The following PDE4D variants were observed in gnomAD, a reference collection of about 807,000 sequenced individuals.
PDE4D encodes 3',5'-cyclic-AMP phosphodiesterase 4D.
Under a neutral mutation model 87.4 loss-of-function variants are expected in PDE4D, and 24 were observed. The ratio of observed to expected loss-of-function variants is 0.27; its 90% confidence interval spans 0.20 to 0.39. The LOEUF (loss-of-function observed/expected upper bound fraction) is 0.39. PDE4D is among the 10% of genes least tolerant of loss of function. The pLI is 1.00. For synonymous variants in PDE4D, 384 were observed against 383.2 expected, an observed-to-expected ratio of 1.00 and a Z score of -0.02; for missense variants, 714 against 1,041.0, an observed-to-expected ratio of 0.69 and a Z score of 4.32.
At chr5:59,571,184 C>T (rs975423690) in intron 1 of PDE4D, among the ~76,000 whole-genome samples, 2 of 152,122 alleles carry the variant, frequency 1.3e-5, no homozygotes, top group Non-Finnish European at 2.9e-5. Context: ...ATTTGGCTGA[C>T]GTAAAGCACA....
intron 1 of PDE4D, among the ~76,000 whole-genome samples, chr5:59,330,604 T>C (rs1311096447): frequency 6.6e-6 from 1 of 152,124 alleles, no homozygotes; most frequent in Non-Finnish European, 1.5e-5. Context: ...TTTGCCTCTA[T>C]GTTAAAAGAG....
intron 1 of PDE4D, among the ~76,000 whole-genome samples, chr5:59,245,426 C>T (rs1322657318): frequency 6.6e-6 from 1 of 152,098 alleles, no homozygotes; most frequent in African/African-American, 2.4e-5. Context: ...CCGTGTTAGG[C>T]TCACAGACAT....
chr5:59,409,428 C>T (rs1389261415), intron 1 of PDE4D, among the ~76,000 whole-genome samples: 1 of 152,120 alleles, frequency 6.6e-6, no homozygotes, highest in Non-Finnish European at 1.5e-5. Context: ...GTGTCCCCTC[C>T]AAATCTCATA....
At chr5:58,998,109 C>T (rs1313125307) in intron 6 of PDE4D, among the ~76,000 whole-genome samples, 1 of 151,994 alleles carries the variant, frequency 6.6e-6, no homozygotes, top group Non-Finnish European at 1.5e-5. Flanking sequence ...AACAAATACT[C>T]CATTGATGGT....
chr5:59,296,350 T>C (rs759542101), intron 1 of PDE4D, among the ~76,000 whole-genome samples: 1 of 152,170 alleles, frequency 6.6e-6, no homozygotes, highest in Non-Finnish European at 1.5e-5. Context: ...AGGAGGAATT[T>C]TGAATTGTGA....
intron 1 of PDE4D, among the ~76,000 whole-genome samples, chr5:59,444,138 G>A (rs1245596432): frequency 6.6e-6 from 1 of 152,154 alleles, no homozygotes; most frequent in African/African-American, 2.4e-5. Flanking sequence ...TGATAGTCAG[G>A]GTACTTGTCT....
intron 2 of PDE4D, among the ~76,000 whole-genome samples, chr5:60,076,673 C>A (rs552071687): frequency 2.1e-5 from 1 of 46,534 alleles, no homozygotes; most frequent in South Asian, 1.2e-3. Context: ...TCTGGCTCCT[C>A]AAGGTTAGGA....
intron 1 of PDE4D, chr5:59,430,577 G>T: frequency 2.3e-6 from 1 of 441,212 alleles, no homozygotes; most frequent in South Asian, 1.2e-4. Flanking sequence ...GTTTCTCGGA[G>T]GCTAAATGTA....
In PDE4D at chr5:58,974,921, C is replaced by T; in HGVS notation, c.2173G>A (p.Glu725Lys). The change falls in exon 15 of 15, where the codon GAG becomes AAG. Residue 725 changes from glutamate to lysine, a missense_variant. This residue lies in a region of PDE4D where 97 missense variants were observed against 176.9 expected (regional missense o/e 0.55). Coordinates refer to ENST00000340635, the MANE Select transcript of PDE4D (RefSeq NM_001104631.2). ...TTCTCAGTTTGACCCTGCCGGCCCT[C>T]CTCTGGGTCATCAGGTGCAGGAGAG... ...SPSPAPDDPEEGRQGQTEKFQ... is the reference protein window; with the variant it reads ...SPSPAPDDPEKGRQGQTEKFQ... 1.9e-6 allele frequency: 3 copies of T among 1,613,210 alleles called. No homozygotes were observed. The highest frequency in any genetic ancestry group is 2.5e-6 in the Non-Finnish European group (3 of 1,179,388).
At chr5:60,081,866 A>C (rs1302160792) in intron 2 of PDE4D, among the ~76,000 whole-genome samples, 1 of 152,198 alleles carries the variant, frequency 6.6e-6, no homozygotes, top group East Asian at 1.9e-4. Context: ...AATGCACAGG[A>C]AAGTGACTAA....
intron 1 of PDE4D, among the ~76,000 whole-genome samples, chr5:59,449,400 C>G (rs1798813117): frequency 6.6e-6 from 1 of 152,164 alleles, no homozygotes; most frequent in African/African-American, 2.4e-5. Context: ...AGTTTTTCTC[C>G]CAAATCGATT....
At chr5:59,256,483 A>G (rs1027424799) in intron 1 of PDE4D, among the ~76,000 whole-genome samples, 3 of 152,058 alleles carry the variant, frequency 2.0e-5, no homozygotes, top group East Asian at 1.9e-4. Context: ...ATCTGTTTCA[A>G]TTAAGATAAA....
intron 1 of PDE4D, among the ~76,000 whole-genome samples, chr5:60,338,438 A>G (rs955156258): frequency 6.6e-6 from 1 of 152,186 alleles, no homozygotes; most frequent in Non-Finnish European, 1.5e-5. Context: ...GACACCAACA[A>G]TAAGTTCTAA....
chr5:59,036,572 G>A (rs1444472307), intron 6 of PDE4D, among the ~76,000 whole-genome samples: 1 of 152,234 alleles, frequency 6.6e-6, no homozygotes, highest in Non-Finnish European at 1.5e-5. Context: ...TTTTGTGGAT[G>A]TGGCTTATTC....
intron 2 of PDE4D, among the ~76,000 whole-genome samples, chr5:60,087,073 A>T (rs528548174): frequency 1.2e-4 from 18 of 152,358 alleles, no homozygotes; most frequent in African/African-American, 4.1e-4. Flanking sequence ...ACTGTAGGGC[A>T]GCAATATAAT....
At chr5:59,741,058 T>C (rs1758757443) in intron 1 of PDE4D, among the ~76,000 whole-genome samples, 1 of 151,892 alleles carries the variant, frequency 6.6e-6, no homozygotes, top group South Asian at 2.1e-4. Flanking sequence ...AACAAAAACC[T>C]CAAGAGGGCA....
intron 3 of PDE4D, among the ~76,000 whole-genome samples, chr5:59,921,292 T>A (rs986608883): frequency 1.1e-4 from 16 of 152,290 alleles, no homozygotes; most frequent in African/African-American, 3.8e-4. Flanking sequence ...AAACTTTTTT[T>A]AAAACACGAA....
intron 1 of PDE4D, among the ~76,000 whole-genome samples, chr5:60,351,650 A>T (rs1232498362): frequency 1.3e-5 from 2 of 152,144 alleles, no homozygotes; most frequent in African/African-American, 4.8e-5. Flanking sequence ...GACTTCTTTT[A>T]ACATAATAAA....
chr5:59,578,914 T>C (rs1424391175), intron 1 of PDE4D, among the ~76,000 whole-genome samples: 1 of 152,118 alleles, frequency 6.6e-6, no homozygotes, highest in African/African-American at 2.4e-5. Context: ...CACTAGCTAC[T>C]GTGTTTTTCT....
Sources: allele counts gnomAD v4.1 joint callset (sites outside exome capture counted in the v4.1 genomes callset), GRCh38; gene constraint gnomAD v4.1.1; regional missense constraint gnomAD v4.1.1; transcripts MANE v1.5; gene names NCBI Gene and HGNC (gene_info 2026-07-23, HGNC 2026-07-21).